HEG1: variants seen among roughly 807,000 people sequenced by gnomAD.
HEG1 encodes the protein protein HEG homolog 1.
Under a neutral mutation model 125.6 loss-of-function variants are expected in HEG1, and 56 were observed. The ratio of observed to expected loss-of-function variants is 0.45; its 90% CI spans 0.36 to 0.56. The LOEUF is 0.56. HEG1 is among the 20% of genes least tolerant of loss of function. The pLI, the probability that HEG1 is intolerant of heterozygous loss-of-function variation, is 0.00. For synonymous variants in HEG1, 644 were observed against 668.5 expected (o/e 0.96, Z 0.57); for missense variants, 1,523 against 1,670.0 (o/e 0.91, Z 1.53).
At chr3:125,014,890 C>T (rs1488327040) in intron 5 of HEG1, 1 of 1,289,854 alleles carries the variant, frequency 7.8e-7, no homozygotes, top group Non-Finnish European at 1.0e-6. Flanking sequence ...AGTGTGCGTT[C>T]CCCGTTTCCA....
rs768011158 is a variant in HEG1 at position 124,997,674 on chromosome 3, C to A, written c.3652+15G>T. The A allele has an allele frequency of 5.1e-6, 8 of 1,557,184 alleles. No individual in the cohort carries two copies. In the African/African-American group the frequency reaches 8.1e-5, roughly 16 times the overall value. On this transcript the variant is annotated intron_variant, in intron 12 of 16. Transcript: ENST00000311127. ...CCAGGACTGGGCACAGAACCCCAGG[C>A]GAAGCTGTGGCTACCTCGGCAGGAG...
chr3:124,979,950 G>A (rs1466814199), intron 14 of HEG1, among the ~76,000 whole-genome samples: 1 of 152,098 alleles, frequency 6.6e-6, no homozygotes, highest in African/African-American at 2.4e-5. Context: ...CAGAAACCTG[G>A]CTATTACGTA....
At chr3:125,031,480 C>A (rs1461099216) in intron 1 of HEG1, among the ~76,000 whole-genome samples, 1 of 152,134 alleles carries the variant, frequency 6.6e-6, no homozygotes, top group Non-Finnish European at 1.5e-5. Flanking sequence ...ATTTAATTTT[C>A]CCCACTTGGA....
chr3:124,971,088 C>T (rs1323956644), intron 16 of HEG1: 1 of 534,400 alleles, frequency 1.9e-6, no homozygotes, highest in African/African-American at 1.9e-5. Context: ...GAGTTAGGAC[C>T]CCAAACCAGG....
chr3:124,997,341 C>A (rs74999946), intron 12 of HEG1, among the ~76,000 whole-genome samples: 2,108 of 152,200 alleles, frequency 0.014, 25 homozygotes, highest in South Asian at 0.022. Flanking sequence ...TGTACTTCCA[C>A]TTTAAAAGAT....
rs1228702780 is a variant in HEG1 at position 125,013,883 on chromosome 3, G to A, written c.1696C>T (p.Arg566Trp). Residue 566 changes from arginine to tryptophan, a missense_variant, in exon 6 of 17, where the codon CGG becomes TGG. Arg to Trp is a moderately radical substitution (Grantham distance 101, BLOSUM62 -3). Transcript: ENST00000311127. ...YLSSTFTKGE[R>W]ALLSITDNSS... ...TTATCTGTAATGGACAGTAACGCCCGTTCTCCTTTGGTGAAAGTAGATGAC... is the reference window on the plus strand; with the variant it reads ...TTATCTGTAATGGACAGTAACGCCCATTCTCCTTTGGTGAAAGTAGATGAC... The A allele has an allele frequency of 2.0e-5, 33 of 1,613,762 alleles. No individual in the cohort carries two copies. The highest frequency in any genetic ancestry group is 4.0e-5 in the African/African-American group (3 of 74,902).
At chr3:125,046,551 GTGAGCCAC>G (rs1263193984) in intron 1 of HEG1, among the ~76,000 whole-genome samples, 1 of 152,098 alleles carries the variant, frequency 6.6e-6, no homozygotes, top group Non-Finnish European at 1.5e-5. Context: ...GTTTACAAGT[GTGAGCCAC>G]TGTGCCCGAC....
chr3:125,013,006 C>A lies in HEG1; in HGVS notation c.2573G>T (p.Gly858Val). ...KTSQPLMTTP[G>V]TLSSTASLVT... ...CAGAGATGCTGTGCTTGACAGGGTG[C>A]CAGGAGTGGTCATAAGAGGCTGAGA... is the stretch of plus-strand genomic sequence containing the variant. The change falls in exon 6 of 17, where the codon GGC becomes GTC. Residue 858 changes from glycine (G) to valine (V), a missense_variant. By Grantham distance (109) the Gly-to-Val change is moderately radical. Coordinates refer to ENST00000311127, the MANE Select transcript of HEG1 (RefSeq NM_020733.2). The A allele has an allele frequency of 6.2e-7, 1 of 1,613,952 alleles. No homozygotes were observed. Among genetic ancestry groups the A allele is most frequent in the South Asian group, 1.1e-5 (1 of 91,074 alleles).
rs752139095 is a variant in HEG1 at position 124,973,747 on chromosome 3, G to A, written c.3980C>T (p.Thr1327Met). 2.0e-5 allele frequency: 33 copies of A among 1,613,546 alleles called. No homozygotes were observed. The highest frequency in any genetic ancestry group is 1.1e-4 in the South Asian group (10 of 90,998). The change falls in exon 16 of 17, where the codon ACG becomes ATG. Residue 1327 changes from threonine (T) to methionine (M), a missense_variant. Transcript: ENST00000311127. ...AATACACACCGAGTAGTACACATCC[G>A]TCATCTGGAGGAGGTTTTTGGTACT... ...NGSTKNLLQM[T>M]DVYYSPTSVR...
At position 124,990,976 on chromosome 3, in the gene HEG1, A is replaced by G; in HGVS notation, c.3663T>C (p.Asp1221=). 1 of 1,558,142 alleles carries G rather than the reference A, an allele frequency of 6.4e-7. No individual in the cohort carries two copies. ...AGGTTTCATTTTCAAGCCTATATCC[A>G]TCTTCACATGCTGAAAGACAAAAGG... ...KMDHSCRACE[D]GYRLENETCM... Residue 1221 remains aspartate (D), a synonymous_variant, in exon 13 of 17, where the codon GAT becomes GAC. Transcript: ENST00000311127.
At chr3:124,971,616 C>G (rs1936425596) in intron 16 of HEG1, among the ~76,000 whole-genome samples, 1 of 151,976 alleles carries the variant, frequency 6.6e-6, no homozygotes, top group Non-Finnish European at 1.5e-5. Flanking sequence ...CTCAACCTCC[C>G]GAGTAGCTGG....
At chr3:125,039,853 CA>C (rs908956270) in intron 1 of HEG1, among the ~76,000 whole-genome samples, 1 of 140,376 alleles carries the variant, frequency 7.1e-6, no homozygotes, top group Admixed American at 7.1e-5. Flanking sequence ...AAAAAAACAA[CA>C]AAAAAAAACA....
At chr3:124,991,053 C>T (rs1449535025) in intron 12 of HEG1, 67 bp from the exon 13 acceptor site, 27 of 1,223,876 alleles carry the variant, frequency 2.2e-5, no homozygotes, top group Non-Finnish European at 2.4e-5. Flanking sequence ...GTTAATTAAA[C>T]GCCAGCCACC....
intron 1 of HEG1, among the ~76,000 whole-genome samples, chr3:125,044,832 T>C (rs1278476252): frequency 6.6e-6 from 1 of 152,168 alleles, no homozygotes; most frequent in Non-Finnish European, 1.5e-5. Context: ...CGGGGATGTC[T>C]CACTAAGGAC....
chr3:125,023,479 A>G (rs573875113), intron 3 of HEG1, among the ~76,000 whole-genome samples: 4 of 152,312 alleles, frequency 2.6e-5, no homozygotes, highest in Admixed American at 6.5e-5. Context: ...CTGACCAATT[A>G]TGACTTGCAA....
chr3:125,005,319 T>A lies in HEG1; in HGVS notation c.3243A>T (p.Thr1081=). The A allele has an allele frequency of 6.3e-7, 1 of 1,598,262 alleles. No homozygotes were observed. The highest frequency in any genetic ancestry group is 8.5e-7 in the Non-Finnish European group (1 of 1,173,578). ...GTAGGTCTGAATGTTTTTCCACAGT[T>A]GTATTAAGAAAAGTTCTCTTTAATT... ...EFKLKRTFLN[T]TVEKHSDLQE... is the part of the protein sequence containing the mutation. Residue 1081 remains threonine (T), a synonymous_variant, in exon 9 of 17, where the codon ACA becomes ACT. Transcript: ENST00000311127.
At chr3:125,055,992 CGGAGTGAGGCTGCGAG>C in exon 1 of HEG1, 1 of 573,886 alleles carries the variant, frequency 1.7e-6, no homozygotes, top group Non-Finnish European at 2.2e-6. Context: ...GGGAAGTGAG[CGGAGTGAGGCTGCGAG>C]CGCGCTCCCC....
intron 1 of HEG1, among the ~76,000 whole-genome samples, chr3:125,048,759 G>A (rs1378530541): frequency 1.3e-5 from 2 of 152,236 alleles, no homozygotes; most frequent in South Asian, 4.1e-4. Flanking sequence ...TGTGAGTACA[G>A]ATTAGAGAGA....
chr3:124,985,278 T>C (rs995196169), intron 14 of HEG1, among the ~76,000 whole-genome samples: 2 of 152,178 alleles, frequency 1.3e-5, no homozygotes, highest in African/African-American at 4.8e-5. Flanking sequence ...GAACATAGTG[T>C]TTAATGGGTG....
Sources: gnomAD v4.1 joint callset for allele counts (sites outside exome capture counted in the v4.1 genomes callset) on GRCh38, gnomAD v4.1.1 for gene constraint, MANE v1.5 for transcripts, NCBI Gene and HGNC (gene_info 2026-07-23, HGNC 2026-07-21) for gene names.